Variants in VRK3 observed in about 807,000 individuals in gnomAD.
VRK3 encodes the protein serine/threonine-protein kinase VRK3.
In VRK3, 50 loss-of-function variants were observed where a neutral mutation model predicts 60.4. That is an observed-to-expected ratio of 0.83 (90% CI 0.66 to 1.05). The LOEUF (loss-of-function observed/expected upper bound fraction) is 1.05. Ranked by LOEUF, VRK3 falls within the 50% of genes least tolerant of loss-of-function variation. The probability of loss-of-function intolerance (pLI) is 0.00; values close to 1 mark genes in which losing one functional copy is unlikely to be tolerated. For missense variants in VRK3, 549 were observed against 585.3 expected (o/e 0.94, Z 0.64); for synonymous variants, 246 against 227.8 (o/e 1.08, Z -0.72).
At chr19:49,990,278 A>G (rs73932271) in intron 10 of VRK3, among the ~76,000 whole-genome samples, 7,970 of 152,266 alleles carry the variant, frequency 0.052, 687 homozygotes, top group African/African-American at 0.18. Context: ...AAATGATGAT[A>G]ATAATAGTCC....
chr19:50,007,678 G>C lies in VRK3; in HGVS notation c.438C>G (p.Thr146=). ...SPQTLKRSRV[T]TSLEALPTGT... is the part of the protein sequence containing the mutation. ...CTGTGGGCAAAGCTTCAAGTGAGGT[G>C]GTCACTCGGCTCCGCTTCAGCGTCT... Residue 146 remains threonine, a synonymous_variant, in exon 5 of 15, where the codon ACC becomes ACG. Coordinates refer to ENST00000316763, the MANE Select transcript of VRK3 (RefSeq NM_016440.4). The C allele has an allele frequency of 6.2e-7, 1 of 1,614,046 alleles. No homozygotes were observed. Among genetic ancestry groups the C allele is most frequent in the East Asian group, 2.2e-5 (1 of 44,876 alleles).
At chr19:50,023,020 G>T (rs2077196082) in intron 1 of VRK3, among the ~76,000 whole-genome samples, 1 of 152,010 alleles carries the variant, frequency 6.6e-6, no homozygotes, top group Non-Finnish European at 1.5e-5. Context: ...TTCCCCAATC[G>T]TGACAAGAAC....
At chr19:50,008,341 G>A (rs926723579) in intron 4 of VRK3, among the ~76,000 whole-genome samples, 10 of 148,636 alleles carry the variant, frequency 6.7e-5, no homozygotes, top group South Asian at 6.6e-4. Flanking sequence ...CCTGGCAAGA[G>A]AATGGGGTGG....
chr19:50,022,445 G>A (rs763564608), intron 1 of VRK3, among the ~76,000 whole-genome samples: 4 of 152,136 alleles, frequency 2.6e-5, no homozygotes, highest in Non-Finnish European at 5.9e-5. Context: ...GTAGCTTGAC[G>A]GATCCACTTA....
chr19:49,978,483 C>T (rs1012736082), intron 14 of VRK3: 1 of 152,964 alleles, frequency 6.5e-6, no homozygotes, highest in African/African-American at 2.4e-5. Flanking sequence ...TACCTCCATC[C>T]ACAGACAGCG....
At chr19:49,995,355 GCA>G (rs2076684172) in intron 7 of VRK3, 80 bp from the exon 8 acceptor site, 9 of 1,284,404 alleles carry the variant, frequency 7.0e-6, no homozygotes, top group Non-Finnish European at 8.9e-6. Flanking sequence ...CAGAGAAGAA[GCA>G]CAGAGTGCCC....
intron 2 of VRK3, among the ~76,000 whole-genome samples, chr19:50,019,707 T>G (rs2077139244): frequency 8.4e-6 from 1 of 118,406 alleles, no homozygotes; most frequent in African/African-American, 3.6e-5. Flanking sequence ...TTTTTTTTTT[T>G]TTTTTTACTT....
chr19:50,012,249 T>A (rs373281231), intron 3 of VRK3, among the ~76,000 whole-genome samples: 1 of 152,096 alleles, frequency 6.6e-6, no homozygotes, highest in South Asian at 2.1e-4. Flanking sequence ...TGGGATTACA[T>A]GCGTGAGCCA....
intron 7 of VRK3, among the ~76,000 whole-genome samples, chr19:49,996,123 T>C (rs1452633407): frequency 6.6e-6 from 1 of 152,160 alleles, no homozygotes; most frequent in Non-Finnish European, 1.5e-5. Context: ...AGTTTCACCA[T>C]GTTGGCCAGG....
At chr19:50,000,730 A>T in intron 6 of VRK3, 60 bp downstream of exon 6, 1 of 1,545,330 alleles carries the variant, frequency 6.5e-7, no homozygotes, top group Non-Finnish European at 8.8e-7. Context: ...TCAGAAGTCA[A>T]GGATGTGTTT....
intron 12 of VRK3, among the ~76,000 whole-genome samples, chr19:49,985,525 C>T (rs1056123403): frequency 7.2e-5 from 11 of 152,160 alleles, no homozygotes; most frequent in East Asian, 1.9e-4. Flanking sequence ...ACCATCGCTG[C>T]GAGACCTGCC....
In VRK3 at chr19:49,988,556, C is replaced by T. The variant is rs564989853; in HGVS notation, c.1097-64G>A. ...ACGCTCCACTCACTGGTGGGTCCACCCCCCTTCCTTCCCCTCTCTCTCACT... is the reference window on the plus strand; with the variant it reads ...ACGCTCCACTCACTGGTGGGTCCACTCCCCTTCCTTCCCCTCTCTCTCACT... On this transcript the variant is annotated intron_variant, in intron 11 of 14. Coordinates refer to ENST00000316763, the MANE Select transcript of VRK3 (RefSeq NM_016440.4). 248 of 1,574,086 alleles carry T rather than the reference C, an allele frequency of 1.6e-4. 2 individuals carry two copies. In the East Asian group the frequency reaches 5.6e-3, roughly 36 times the overall value.
chr19:49,980,559 T>C (rs2076405243), intron 13 of VRK3, among the ~76,000 whole-genome samples: 1 of 151,798 alleles, frequency 6.6e-6, no homozygotes, highest in Non-Finnish European at 1.5e-5. Flanking sequence ...CTACTAAAAA[T>C]ACAAAAAACT....
At chr19:49,978,655 T>C (rs1353013597) in intron 14 of VRK3, 1 of 161,390 alleles carries the variant, frequency 6.2e-6, no homozygotes, top group African/African-American at 2.4e-5. Flanking sequence ...AGCAGCTACC[T>C]TTTGTGTATG....
chr19:50,016,676 T>A (rs1227074704), intron 2 of VRK3, among the ~76,000 whole-genome samples: 4 of 152,360 alleles, frequency 2.6e-5, no homozygotes, highest in Non-Finnish European at 5.9e-5. Context: ...TTTAGTAGAA[T>A]GATGAGTGTT....
Position 49,997,580 on chromosome 19 carries a change from G to A in VRK3, c.613-10C>T, listed in dbSNP as rs370558123. On this transcript the variant is annotated splice_polypyrimidine_tract_variant and intron_variant, in intron 6 of 14. Transcript: ENST00000316763. ...GCCCATCCTTGGCATCCTGGTGGGG[G>A]ACAGGAGGGGCAGAAGGCTGTCACA... The A allele has an allele frequency of 3.7e-6, 6 of 1,613,684 alleles. No individual in the cohort carries two copies. The highest frequency in any genetic ancestry group is 1.3e-5 in the African/African-American group (1 of 74,908).
chr19:50,023,737 GGT>G (rs1491199933), intron 1 of VRK3, among the ~76,000 whole-genome samples: 9,611 of 143,086 alleles, frequency 0.067, 976 homozygotes, highest in African/African-American at 0.23. Context: ...CAAGAAGGTG[GGT>G]GGGGGGGGTC....
At chr19:49,992,758 A>C in intron 10 of VRK3, 102 bp downstream of exon 10, 1 of 1,081,520 alleles carries the variant, frequency 9.2e-7, no homozygotes, top group East Asian at 2.4e-5. Context: ...ATGGACAGCA[A>C]TCCTTTGTCT....
chr19:50,020,005 T>C (rs1442636175), intron 2 of VRK3, among the ~76,000 whole-genome samples: 1 of 151,806 alleles, frequency 6.6e-6, no homozygotes, highest in South Asian at 2.1e-4. Context: ...GTGTCCCATG[T>C]AGCTGGGACT....
Sources: gnomAD v4.1 joint callset for allele counts (sites outside exome capture counted in the v4.1 genomes callset) on GRCh38, gnomAD v4.1.1 for gene constraint, MANE v1.5 for transcripts, NCBI Gene and HGNC (gene_info 2026-07-23, HGNC 2026-07-21) for gene names.